The following FAM117A variants were observed in gnomAD, a reference collection of about 807,000 sequenced individuals.
FAM117A encodes protein FAM117A.
FAM117A carries 21 observed loss-of-function variants against 44.1 expected under a neutral mutation model. That is an observed-to-expected ratio of 0.48 (90% CI 0.34 to 0.69). The LOEUF (loss-of-function observed/expected upper bound fraction) is 0.69, where lower values mean the gene tolerates loss of function less well. Ranked by LOEUF, FAM117A falls within the 30% of genes least tolerant of loss-of-function variation. The pLI is 0.01. For missense variants in FAM117A, 498 were observed against 589.9 expected, an observed-to-expected ratio of 0.84 and a Z score of 1.61; for synonymous variants, 220 against 238.3, an observed-to-expected ratio of 0.92 and a Z score of 0.71.
chr17:49,745,186 C>T (rs994276205), intron 1 of FAM117A, among the ~76,000 whole-genome samples: 7 of 152,096 alleles, frequency 4.6e-5, no homozygotes, highest in African/African-American at 7.2e-5. Context: ...AACCTACAAA[C>T]GTTGACAGAA....
At chr17:49,724,288 C>T (rs1440208978) in intron 2 of FAM117A, 6 of 452,304 alleles carry the variant, frequency 1.3e-5, no homozygotes, top group African/African-American at 4.0e-5. Context: ...GCACCCCCCA[C>T]ACAAACCTGT....
chr17:49,722,712 CCTCTGAACA>C (rs2073540918), intron 2 of FAM117A, 118 bp from the exon 3 acceptor site: 3 of 735,416 alleles, frequency 4.1e-6, no homozygotes, highest in Non-Finnish European at 7.0e-6. Context: ...TGCTCATCAA[CCTCTGAACA>C]CTCCCAGTCG....
At chr17:49,768,015 G>A (rs1331585385), upstream of FAM117A, among the ~76,000 whole-genome samples, 1 of 151,868 alleles carries the variant, frequency 6.6e-6, no homozygotes, top group African/African-American at 2.4e-5. Flanking sequence ...AAATGCTGTT[G>A]ACTGCAGCAT....
In FAM117A at chr17:49,731,975, G is replaced by A. The variant is rs142158860; in HGVS notation, c.366+576C>T. Among the ~76,000 whole-genome samples, 536 of 152,070 alleles carry A rather than the reference G, an allele frequency of 3.5e-3. 5 individuals are homozygous for A. The highest frequency in any genetic ancestry group is 0.011 in the African/African-American group (454 of 41,480). ...TAATTTTTGTATTTTTAGTAGAGACGGGGTTTCACCATGTTAGCCAGGCTG... is the reference window on the plus strand; with the variant it reads ...TAATTTTTGTATTTTTAGTAGAGACAGGGTTTCACCATGTTAGCCAGGCTG... On this transcript the variant is annotated intron_variant, in intron 2 of 7. Transcript: ENST00000240364.
chr17:49,738,350 C>T (rs1157781258), intron 1 of FAM117A, among the ~76,000 whole-genome samples: 4 of 152,144 alleles, frequency 2.6e-5, no homozygotes, highest in Admixed American at 1.3e-4. Context: ...ACTCAGGACT[C>T]AGTGGGTCCT....
At chr17:49,717,424 T>C in intron 6 of FAM117A, 89 bp downstream of exon 6, 2 of 1,113,000 alleles carry the variant, frequency 1.8e-6, no homozygotes, top group Admixed American at 4.3e-5. Context: ...CTGAGAATGC[T>C]AGGCCTGAAT....
In FAM117A at chr17:49,758,572, C is replaced by T. The variant is rs1037103812; in HGVS notation, c.196+5320G>A. Among the ~76,000 whole-genome samples the T allele has an allele frequency of 5.4e-5, 8 of 148,946 alleles. 1 individual carries two copies. Among genetic ancestry groups the T allele is most frequent in the East Asian group, 2.0e-4 (1 of 5,016 alleles). ...CTGGGAGGCGGAGGTTGCAGTGAGC[C>T]GAGATCGTGCCATTGCGCTCCATCC... On this transcript the variant is annotated intron_variant, in intron 1 of 7. Coordinates refer to ENST00000240364, the MANE Select transcript of FAM117A (RefSeq NM_030802.4).
chr17:49,723,200 A>T (rs1040750560), intron 2 of FAM117A, among the ~76,000 whole-genome samples: 30 of 152,066 alleles, frequency 2.0e-4, no homozygotes, highest in Non-Finnish European at 2.9e-5. Flanking sequence ...GCTGCAAATA[A>T]GCAGGAAGGA....
intron 1 of FAM117A, among the ~76,000 whole-genome samples, chr17:49,759,379 T>C (rs1340802013): frequency 1.3e-5 from 2 of 152,192 alleles, no homozygotes; most frequent in African/African-American, 4.8e-5. Context: ...TTGCTGACCA[T>C]GTATGTGCCT....
intron 1 of FAM117A, among the ~76,000 whole-genome samples, chr17:49,739,471 G>C (rs2073624105): frequency 6.6e-6 from 1 of 152,184 alleles, no homozygotes; most frequent in Non-Finnish European, 1.5e-5. Context: ...TGCCCAATGA[G>C]ATTGACCTCA....
intron 1 of FAM117A, among the ~76,000 whole-genome samples, chr17:49,780,507 A>G (rs1020819785): frequency 2.0e-5 from 3 of 151,996 alleles, no homozygotes; most frequent in African/African-American, 7.2e-5. Context: ...TAGCCTCCCA[A>G]GTAACTGGGA....
chr17:49,756,924 A>G (rs1172412871), intron 1 of FAM117A, among the ~76,000 whole-genome samples: 3 of 151,872 alleles, frequency 2.0e-5, no homozygotes, highest in Non-Finnish European at 4.4e-5. Flanking sequence ...CTCAAAAAAA[A>G]AAAAAAAAAA....
At chr17:49,732,788 C>T in intron 1 of FAM117A, 68 bp from the exon 2 acceptor site, 20 of 1,527,870 alleles carry the variant, frequency 1.3e-5, no homozygotes, top group South Asian at 8.3e-5. Context: ...AATCACCTTC[C>T]TCTTCTAAGA....
chr17:49,788,641 CG>C (rs2073837832), upstream of FAM117A: 1 of 520,510 alleles, frequency 1.9e-6, no homozygotes, highest in Non-Finnish European at 3.4e-6. Context: ...GAGACCCAGC[CG>C]GAAGTGAAGG....
At chr17:49,739,668 G>A (rs2073625032) in intron 1 of FAM117A, among the ~76,000 whole-genome samples, 1 of 152,220 alleles carries the variant, frequency 6.6e-6, no homozygotes, top group Admixed American at 6.5e-5. Flanking sequence ...AAGATGAACT[G>A]GTTTCATTTC....
At chr17:49,761,812 T>G (rs1250566783) in intron 1 of FAM117A, among the ~76,000 whole-genome samples, 1 of 152,212 alleles carries the variant, frequency 6.6e-6, no homozygotes, top group Non-Finnish European at 1.5e-5. Context: ...TACATTCCCC[T>G]AATGCCTGGC....
intron 2 of FAM117A, among the ~76,000 whole-genome samples, chr17:49,731,795 T>A (rs2073586402): frequency 6.6e-6 from 1 of 152,188 alleles, no homozygotes; most frequent in Non-Finnish European, 1.5e-5. Flanking sequence ...TTATTTTTTT[T>A]ATTTTTTTGA....
chr17:49,749,670 C>T (rs893745186), intron 1 of FAM117A, among the ~76,000 whole-genome samples: 1 of 147,584 alleles, frequency 6.8e-6, no homozygotes, highest in Admixed American at 6.8e-5. Flanking sequence ...CTAGAAAGTT[C>T]CTGGCCATCC....
intron 5 of FAM117A, among the ~76,000 whole-genome samples, chr17:49,718,593 C>T (rs1180180872): frequency 6.6e-6 from 1 of 151,898 alleles, no homozygotes; most frequent in Non-Finnish European, 1.5e-5. Flanking sequence ...ATGGCGTGAA[C>T]CCAGGAGGCG....
Sources: allele counts gnomAD v4.1 joint callset (sites outside exome capture counted in the v4.1 genomes callset), GRCh38; gene constraint gnomAD v4.1.1; transcripts MANE v1.5; gene names NCBI Gene and HGNC (gene_info 2026-07-23, HGNC 2026-07-21).